Variants in CDK19 observed in about 807,000 individuals in gnomAD.
CDK19 encodes the protein cyclin-dependent kinase 19.
Under a neutral mutation model 68.3 loss-of-function variants are expected in CDK19, and 20 were observed. The ratio of observed to expected loss-of-function variants is 0.29; its 90% CI spans 0.21 to 0.43. The LOEUF (loss-of-function observed/expected upper bound fraction) is 0.43, where lower values mean the gene tolerates loss of function less well. Among genes scored for constraint, CDK19 ranks in the 20% least tolerant of loss-of-function variants. The pLI is 1.00. For missense variants in CDK19, 339 were observed against 623.5 expected (o/e 0.54, Z 4.86); for synonymous variants, 221 against 222.8 (o/e 0.99, Z 0.07).
chr6:110,649,956 C>G (rs1036846433), intron 4 of CDK19, among the ~76,000 whole-genome samples: 2 of 152,098 alleles, frequency 1.3e-5, no homozygotes, highest in African/African-American at 4.8e-5. Flanking sequence ...CTATATATAG[C>G]CTTTGAATCA....
chr6:110,749,241 G>A (rs1427991796), intron 1 of CDK19, among the ~76,000 whole-genome samples: 3 of 152,192 alleles, frequency 2.0e-5, no homozygotes, highest in Non-Finnish European at 2.9e-5. Flanking sequence ...TCTATAACAT[G>A]TAGCAACACC....
chr6:110,805,765 T>G (rs1254888955), intron 1 of CDK19, among the ~76,000 whole-genome samples: 1 of 152,138 alleles, frequency 6.6e-6, no homozygotes, highest in Admixed American at 6.6e-5. Context: ...TTTATATACT[T>G]TAAAAAATAA....
intron 6 of CDK19, among the ~76,000 whole-genome samples, chr6:110,630,027 C>A (rs1239276134): frequency 6.6e-6 from 1 of 152,070 alleles, no homozygotes; most frequent in Non-Finnish European, 1.5e-5. Flanking sequence ...TTCATTTCAA[C>A]AAGAGAAAAA....
chr6:110,812,052 A>G (rs1783142226), intron 1 of CDK19, among the ~76,000 whole-genome samples: 2 of 152,078 alleles, frequency 1.3e-5, no homozygotes, highest in Non-Finnish European at 2.9e-5. Context: ...ATTCAAAAGT[A>G]TAAATATTAA....
chr6:110,620,732 G>C (rs771763427), intron 12 of CDK19, among the ~76,000 whole-genome samples: 21 of 152,174 alleles, frequency 1.4e-4, no homozygotes, highest in South Asian at 6.2e-4. Flanking sequence ...TCTTTCTAAA[G>C]AATGCAATTA....
chr6:110,646,486 G>A (rs1164100948), intron 4 of CDK19: 14 of 1,454,624 alleles, frequency 9.6e-6, no homozygotes, highest in Non-Finnish European at 1.3e-5. Flanking sequence ...AGCCCAGCTC[G>A]TTCTGTGCCA....
intron 4 of CDK19, among the ~76,000 whole-genome samples, chr6:110,641,477 G>A (rs543434107): frequency 6.6e-6 from 1 of 151,650 alleles, no homozygotes; most frequent in Non-Finnish European, 1.5e-5. Flanking sequence ...GGCACCTGTA[G>A]TCCCAGCTAC....
intron 1 of CDK19, among the ~76,000 whole-genome samples, chr6:110,787,805 T>C (rs922842821): frequency 1.3e-5 from 2 of 152,072 alleles, no homozygotes; most frequent in Non-Finnish European, 2.9e-5. Flanking sequence ...TCTGCTGCAT[T>C]TACTGTTATC....
intron 1 of CDK19, among the ~76,000 whole-genome samples, chr6:110,765,898 A>G (rs910949387): frequency 1.3e-5 from 2 of 152,172 alleles, no homozygotes; most frequent in African/African-American, 2.4e-5. Context: ...CCAATGATAT[A>G]TATCATCTCA....
intron 1 of CDK19, among the ~76,000 whole-genome samples, chr6:110,804,473 G>A (rs953670761): frequency 2.0e-5 from 3 of 151,620 alleles, no homozygotes; most frequent in Admixed American, 1.3e-4. Context: ...CCCCTGAGTA[G>A]CTGGGACTAC....
At chr6:110,715,169 C>A (rs1775274575) in intron 2 of CDK19, among the ~76,000 whole-genome samples, 2 of 152,154 alleles carry the variant, frequency 1.3e-5, no homozygotes, top group South Asian at 4.1e-4. Context: ...CCACATTTTG[C>A]TAACGTTTAA....
chr6:110,646,262 T>A, intron 4 of CDK19: 1 of 1,502,714 alleles, frequency 6.7e-7, no homozygotes, highest in Middle Eastern at 2.2e-4. Flanking sequence ...ACACACATAG[T>A]TGCGTGTGCT....
In CDK19 at chr6:110,670,437, G is replaced by T; in HGVS notation, c.309C>A (p.Asp103Glu). ...ACAGTGAGATTATACTTACCCACAA[G>T]TCATGCTCTGCATAATCAAACAGCA... Reference protein sequence around the residue: ...VWLLFDYAEHDLWHIIKFHRA... With the variant: ...VWLLFDYAEHELWHIIKFHRA... Residue 103 changes from aspartate to glutamate, a missense_variant, in exon 3 of 13, where the codon GAC becomes GAA. Coordinates refer to ENST00000368911, the MANE Select transcript of CDK19 (RefSeq NM_015076.5). The T allele has an allele frequency of 6.4e-7, 1 of 1,571,430 alleles. No individual in the cohort carries two copies. Among genetic ancestry groups the T allele is most frequent in the Non-Finnish European group, 8.8e-7 (1 of 1,141,118 alleles).
chr6:110,700,861 G>T (rs745648136), intron 2 of CDK19: 1 of 177,912 alleles, frequency 5.6e-6, no homozygotes, highest in Non-Finnish European at 1.2e-5. Context: ...TCAGTGTTGC[G>T]CCAGGAATCG....
At chr6:110,656,965 A>T (rs1781344696) in intron 4 of CDK19, among the ~76,000 whole-genome samples, 2 of 152,218 alleles carry the variant, frequency 1.3e-5, no homozygotes. Context: ...TCATCCTTAG[A>T]GAAGCAACAC....
intron 8 of CDK19, among the ~76,000 whole-genome samples, chr6:110,624,423 G>A (rs1432277013): frequency 6.6e-6 from 1 of 151,988 alleles, no homozygotes; most frequent in Non-Finnish European, 1.5e-5. Flanking sequence ...AATAGGTAAT[G>A]TATGTTCATG....
intron 2 of CDK19, among the ~76,000 whole-genome samples, chr6:110,712,420 T>C (rs1775014356): frequency 6.6e-6 from 1 of 152,216 alleles, no homozygotes; most frequent in African/African-American, 2.4e-5. Context: ...AACATCAATT[T>C]ACTAGATAAA....
At chr6:110,759,428 A>AAAAATATATATAT (rs1275389842) in intron 1 of CDK19, among the ~76,000 whole-genome samples, 1 of 50,906 alleles carries the variant, frequency 2.0e-5, no homozygotes, top group South Asian at 7.5e-4. Context: ...AAAAAAAAAA[A>AAAAATATATATAT]ATATATATAT....
At chr6:110,768,683 A>C (rs1779760576) in intron 1 of CDK19, among the ~76,000 whole-genome samples, 1 of 152,200 alleles carries the variant, frequency 6.6e-6, no homozygotes, top group South Asian at 2.1e-4. Context: ...AAAACTGTAG[A>C]GACAGAAAAA....
Sources: gnomAD v4.1 joint callset for allele counts (sites outside exome capture counted in the v4.1 genomes callset) on GRCh38, gnomAD v4.1.1 for gene constraint, MANE v1.5 for transcripts, NCBI Gene and HGNC (gene_info 2026-07-23, HGNC 2026-07-21) for gene names.